The following RPTOR variants were observed in gnomAD, a reference collection of about 807,000 sequenced individuals.
RPTOR encodes the protein regulatory associated protein of MTOR complex 1, also known as regulatory-associated protein of mTOR.
Under a neutral mutation model 169.9 loss-of-function variants are expected in RPTOR, and 21 were observed. That is an observed-to-expected ratio of 0.12 (90% CI 0.09 to 0.18). The LOEUF (loss-of-function observed/expected upper bound fraction) is 0.18, where lower values mean the gene tolerates loss of function less well. RPTOR is among the 10% of genes least tolerant of loss of function. The probability of loss-of-function intolerance (pLI) is 1.00; values close to 1 mark genes in which losing one functional copy is unlikely to be tolerated. For missense variants in RPTOR, 1,133 were observed against 1,855.9 expected (o/e 0.61, Z 7.16); for synonymous variants, 732 against 753.2 (o/e 0.97, Z 0.46).
chr17:80,904,035 G>A (rs747098009), intron 20 of RPTOR, among the ~76,000 whole-genome samples: 1 of 152,248 alleles, frequency 6.6e-6, no homozygotes, highest in Non-Finnish European at 1.5e-5. Context: ...TCTCGTAGGG[G>A]TACTGAATAT....
rs1461194775 is a variant in RPTOR, at chr17:80,883,778, C to T, written c.1651-3C>T. 2 of 1,613,336 alleles carry T rather than the reference C, an allele frequency of 1.2e-6. No individual in the cohort carries two copies. Among genetic ancestry groups the T allele is most frequent in the South Asian group, 2.2e-5 (2 of 91,086 alleles). On this transcript the variant is annotated splice_region_variant and splice_polypyrimidine_tract_variant and intron_variant, in intron 15 of 33. Transcript: ENST00000306801. ...CAACCTGTCTGTGGTCCCGCCTCTG[C>T]AGGAAGCCTGCCTTCAGGGAAACCT...
At chr17:80,759,774 A>G (rs376389577) in intron 6 of RPTOR, among the ~76,000 whole-genome samples, 24 of 152,166 alleles carry the variant, frequency 1.6e-4, no homozygotes, top group Admixed American at 3.9e-4. Flanking sequence ...TGAAAAGTCA[A>G]TTTTTCTAAT....
At chr17:80,858,244 C>T in intron 13 of RPTOR, 1 of 293,118 alleles carries the variant, frequency 3.4e-6, no homozygotes, top group African/African-American at 2.2e-5. Flanking sequence ...CTGACCCTGA[C>T]TGGAAGCAAC....
intron 6 of RPTOR, among the ~76,000 whole-genome samples, chr17:80,766,792 A>T (rs1285959298): frequency 6.6e-6 from 1 of 152,100 alleles, no homozygotes; most frequent in Admixed American, 6.6e-5. Context: ...GTTTTTAATT[A>T]AAAAACTCTC....
chr17:80,923,639 G>T lies in RPTOR; in HGVS notation c.2774G>T (p.Arg925Leu). The change falls in exon 23 of 34, where the codon CGG becomes CTG. Residue 925 changes from arginine to leucine, a missense_variant. Transcript: ENST00000306801. The stretch of plus-strand genomic sequence containing the variant: ...ACCCCTCACTCCCACCAGTTCCCCC[G>T]GACACGGAAGATGTTCGACAAGGGC... ...QYTPHSHQFP[R>L]TRKMFDKGPE... is the part of the protein sequence containing the mutation. 1 of 1,608,312 alleles carries T rather than the reference G, an allele frequency of 6.2e-7. No homozygotes were observed. Among genetic ancestry groups the T allele is most frequent in the Non-Finnish European group, 8.5e-7 (1 of 1,176,226 alleles).
chr17:80,583,207 G>GTTTTTTTTTTGAGACAGAGTCTT (rs2065032039), intron 1 of RPTOR, among the ~76,000 whole-genome samples: 1 of 10,914 alleles, frequency 9.2e-5, no homozygotes, highest in African/African-American at 4.6e-4. Flanking sequence ...TTTTTTTTTT[G>GTTTTTTTTTTGAGACAGAGTCTT]AGACAGAGTC....
intron 11 of RPTOR, among the ~76,000 whole-genome samples, chr17:80,854,365 G>A (rs1487248525): frequency 6.6e-6 from 1 of 152,234 alleles, no homozygotes; most frequent in Non-Finnish European, 1.5e-5. Context: ...ACGTTAACTT[G>A]CCCAGAGTCA....
intron 1 of RPTOR, among the ~76,000 whole-genome samples, chr17:80,559,342 G>T (rs1348934880): frequency 6.6e-6 from 1 of 152,152 alleles, no homozygotes; most frequent in African/African-American, 2.4e-5. Context: ...TTGCTGAGTG[G>T]TCGCCTCCTG....
At chr17:80,666,073 T>C (rs2065776638) in intron 3 of RPTOR, among the ~76,000 whole-genome samples, 1 of 152,152 alleles carries the variant, frequency 6.6e-6, no homozygotes, top group Non-Finnish European at 1.5e-5. Flanking sequence ...TTTTAGTGAC[T>C]GTCCCTCAAA....
intron 6 of RPTOR, among the ~76,000 whole-genome samples, chr17:80,755,738 CAAAAAAAAAAA>C (rs77078803): frequency 1.2e-5 from 1 of 80,248 alleles, no homozygotes; most frequent in Non-Finnish European, 2.4e-5. Flanking sequence ...GACCCTGTCT[CAAAAAAAAAAA>C]AAAAAAAAAG....
At chr17:80,654,673 C>T (rs2143631669) in intron 3 of RPTOR, among the ~76,000 whole-genome samples, 1 of 152,336 alleles carries the variant, frequency 6.6e-6, no homozygotes, top group South Asian at 2.1e-4. Flanking sequence ...CGGACTGGAA[C>T]ATGCCCTGAA....
intron 10 of RPTOR, among the ~76,000 whole-genome samples, chr17:80,846,195 C>T (rs2067728033): frequency 6.6e-6 from 1 of 152,204 alleles, no homozygotes; most frequent in Non-Finnish European, 1.5e-5. Flanking sequence ...TCCCAGCACG[C>T]TCCTCTTGCG....
At chr17:80,902,974 C>T (rs917424740) in intron 20 of RPTOR, among the ~76,000 whole-genome samples, 61 of 152,358 alleles carry the variant, frequency 4.0e-4, no homozygotes, top group Non-Finnish European at 2.4e-4. Flanking sequence ...ACAGCCTCAT[C>T]CCGAGAGCGC....
At chr17:80,559,996 T>C (rs149034721) in intron 1 of RPTOR, among the ~76,000 whole-genome samples, 21 of 152,340 alleles carry the variant, frequency 1.4e-4, no homozygotes, top group African/African-American at 4.6e-4. Context: ...TTGTTTTACA[T>C]AGATGGCACT....
At chr17:80,711,782 G>T (rs943613872) in intron 4 of RPTOR, among the ~76,000 whole-genome samples, 1 of 85,054 alleles carries the variant, frequency 1.2e-5, no homozygotes, top group Non-Finnish European at 2.1e-5. Flanking sequence ...TCCCTCTGTC[G>T]CCAAGGCTGG....
At chr17:80,555,849 T>G (rs1304252048) in intron 1 of RPTOR, among the ~76,000 whole-genome samples, 1 of 152,096 alleles carries the variant, frequency 6.6e-6, no homozygotes, top group African/African-American at 2.4e-5. Flanking sequence ...TTGAAATACC[T>G]TATTGGCTAT....
intron 24 of RPTOR, among the ~76,000 whole-genome samples, chr17:80,928,416 T>TA (rs1303774467): frequency 9.9e-5 from 15 of 152,130 alleles, no homozygotes; most frequent in African/African-American, 3.1e-4. Context: ...GGATTGAACC[T>TA]AAAAAAGAAC....
In RPTOR at chr17:80,754,124, G is replaced by T. The variant is rs760580837; in HGVS notation, c.769G>T (p.Asp257Tyr). ...EATELLPMIP[D>Y]LPADLFTSCL... ...CACCGAGCTGCTGCCCATGATCCCCGACCTCCCGGCTGACCTATTCACCTC... is the reference window on the plus strand; with the variant it reads ...CACCGAGCTGCTGCCCATGATCCCCTACCTCCCGGCTGACCTATTCACCTC... The change falls in exon 6 of 34, where the codon GAC (aspartate) becomes TAC (tyrosine). Residue 257 changes from aspartate to tyrosine, a missense_variant. Physicochemically the swap from Asp to Tyr is radical, Grantham distance 160 (BLOSUM62 -3). Around this residue, in one of 9 missense-constraint regions of RPTOR, gnomAD observed 289 missense variants for 585.8 expected, o/e 0.49. Coordinates refer to ENST00000306801, the MANE Select transcript of RPTOR (RefSeq NM_020761.3). The surrounding 1 kb of genome is among the most constrained non-coding windows in gnomAD (Gnocchi z 4.2). The T allele has an allele frequency of 7.4e-6, 12 of 1,613,660 alleles. No homozygotes were observed. The highest frequency in any genetic ancestry group is 1.0e-5 in the Non-Finnish European group (12 of 1,179,982).
Position 80,957,756 on chromosome 17 carries a change from C to A in RPTOR, c.3477+26C>A, listed in dbSNP as rs2069272043. 6 of 1,604,844 alleles carry A rather than the reference C, an allele frequency of 3.7e-6. No individual in the cohort carries two copies. In the East Asian group the frequency reaches 1.3e-4, roughly 36 times the overall value. On this transcript the variant is annotated intron_variant, in intron 29 of 33. Transcript: ENST00000306801. This position sits in a 1 kb window ranked among gnomAD's most constrained non-coding sequence, Gnocchi z 4.6. ...GTAACCATGCAGGTGTCCCCCAAGC[C>A]CTGGGCCTGTGGGGCAGTGTGTGCA...
Sources: allele counts gnomAD v4.1 joint callset (sites outside exome capture counted in the v4.1 genomes callset), GRCh38; gene constraint gnomAD v4.1.1; regional missense constraint gnomAD v4.1.1; non-coding constraint Gnocchi (gnomAD v3.1); transcripts MANE v1.5; gene names NCBI Gene and HGNC (gene_info 2026-07-23, HGNC 2026-07-21).